The following STARD13 variants were observed in gnomAD, a reference collection of about 807,000 sequenced individuals.
The protein encoded by STARD13 is stAR-related lipid transfer protein 13.
Under a neutral mutation model 106.4 loss-of-function variants are expected in STARD13, and 62 were observed. The ratio of observed to expected loss-of-function variants is 0.58; its 90% CI spans 0.48 to 0.72. STARD13 has a LOEUF of 0.72. STARD13 is among the 30% of genes least tolerant of loss of function. The probability of loss-of-function intolerance (pLI) is 0.00; values close to 1 mark genes in which losing one functional copy is unlikely to be tolerated. For synonymous variants in STARD13, 565 were observed against 553.0 expected (o/e 1.02, Z -0.31); for missense variants, 1,387 against 1,424.0 (o/e 0.97, Z 0.42).
At chr13:33,383,331 G>A in the STARD13 span, among the ~76,000 whole-genome samples, 4 of 152,234 alleles carry the variant, frequency 2.6e-5, no homozygotes, top group East Asian at 5.8e-4. Context: ...CTAAAAGGTC[G>A]AGGCTGCAGT....
chr13:33,380,419 A>G, the STARD13 span, among the ~76,000 whole-genome samples: 1 of 151,180 alleles, frequency 6.6e-6, no homozygotes, highest in Non-Finnish European at 1.5e-5. Context: ...TGTCTCAAAA[A>G]AAAAAAAAAA....
chr13:33,166,508 G>T (rs1408477348), intron 2 of STARD13, among the ~76,000 whole-genome samples: 1 of 152,120 alleles, frequency 6.6e-6, no homozygotes. Context: ...GCCACCCCCT[G>T]TCCTGCCTGC....
chr13:33,647,159 G>T, the STARD13 span, among the ~76,000 whole-genome samples: 1 of 152,148 alleles, frequency 6.6e-6, no homozygotes, highest in Admixed American at 6.5e-5. Flanking sequence ...AAAGGGCCCT[G>T]CCTGTAGCTG....
chr13:33,426,964 T>TCATG, the STARD13 span, among the ~76,000 whole-genome samples: 9 of 152,236 alleles, frequency 5.9e-5, no homozygotes, highest in Non-Finnish European at 1.0e-4. Context: ...AAATGCTTTA[T>TCATG]CATGCATGAT....
the STARD13 span, among the ~76,000 whole-genome samples, chr13:33,521,012 T>C: frequency 6.6e-6 from 1 of 152,122 alleles, no homozygotes; most frequent in Non-Finnish European, 1.5e-5. Flanking sequence ...CTTGAAAGGA[T>C]AGATAAGCAT....
chr13:33,471,789 A>C, the STARD13 span, among the ~76,000 whole-genome samples: 2 of 152,176 alleles, frequency 1.3e-5, no homozygotes, highest in Non-Finnish European at 2.9e-5. Flanking sequence ...AATGGTCACA[A>C]ATATTTGCAG....
chr13:33,658,804 G>C, the STARD13 span, among the ~76,000 whole-genome samples: 1 of 152,188 alleles, frequency 6.6e-6, no homozygotes. Context: ...GGCATGATTA[G>C]AGAGAGAGTT....
chr13:33,435,781 T>G, the STARD13 span, among the ~76,000 whole-genome samples: 2 of 152,180 alleles, frequency 1.3e-5, no homozygotes, highest in African/African-American at 2.4e-5. Context: ...AGGGACATAA[T>G]AATGTTCAAC....
chr13:33,635,553 G>A, the STARD13 span, among the ~76,000 whole-genome samples: 20 of 152,034 alleles, frequency 1.3e-4, no homozygotes, highest in African/African-American at 3.4e-4. Context: ...CCAGCTACTC[G>A]GGAGGCTGAG....
the STARD13 span, among the ~76,000 whole-genome samples, chr13:33,569,089 A>T: frequency 6.8e-6 from 1 of 148,122 alleles, no homozygotes; most frequent in Non-Finnish European, 1.5e-5. Context: ...ACTTAAGCTT[A>T]TGTCTATAAA....
At chr13:33,662,376 T>C in the STARD13 span, among the ~76,000 whole-genome samples, 1 of 152,252 alleles carries the variant, frequency 6.6e-6, no homozygotes, top group Non-Finnish European at 1.5e-5. Flanking sequence ...ATAGACACTT[T>C]ACAGGTTGTA....
intron 1 of STARD13, among the ~76,000 whole-genome samples, chr13:33,313,605 G>A (rs79211861): frequency 0.03 from 4,585 of 152,060 alleles, 236 homozygotes; most frequent in African/African-American, 0.1. Context: ...CTAATTTGTT[G>A]GCTCCCACAG....
chr13:33,198,091 C>T (rs1370158287), intron 1 of STARD13, among the ~76,000 whole-genome samples: 3 of 152,134 alleles, frequency 2.0e-5, no homozygotes, highest in Non-Finnish European at 4.4e-5. Flanking sequence ...TTGCTTGAAC[C>T]CAGGAGGCGG....
At chr13:33,374,510 G>A in the STARD13 span, among the ~76,000 whole-genome samples, 2 of 152,198 alleles carry the variant, frequency 1.3e-5, no homozygotes, top group Admixed American at 6.5e-5. Flanking sequence ...AGATGAGTGT[G>A]TGTATAAAAT....
the STARD13 span, among the ~76,000 whole-genome samples, chr13:33,593,942 T>C: frequency 0.036 from 5,553 of 152,260 alleles, 260 homozygotes; most frequent in African/African-American, 0.1. Flanking sequence ...AGTCTTGCTC[T>C]GTCGCTCAGG....
chr13:33,311,438 A>G (rs1439754360), intron 1 of STARD13, among the ~76,000 whole-genome samples: 1 of 152,236 alleles, frequency 6.6e-6, no homozygotes, highest in African/African-American at 2.4e-5. Context: ...ATGGATTTTT[A>G]GGAAAGAACT....
intron 1 of STARD13, chr13:33,281,124 C>T (rs1891756965): frequency 6.6e-6 from 1 of 152,092 alleles, no homozygotes; most frequent in African/African-American, 2.4e-5. Context: ...ACCTGAGACA[C>T]AGAATAAACT....
chr13:33,652,070 C>G, the STARD13 span, among the ~76,000 whole-genome samples: 1 of 152,170 alleles, frequency 6.6e-6, no homozygotes, highest in Non-Finnish European at 1.5e-5. Context: ...GAATTCCTGA[C>G]CCACAAGATT....
the STARD13 span, chr13:33,439,802 A>G: frequency 1.4e-6 from 1 of 726,860 alleles, no homozygotes; most frequent in Non-Finnish European, 2.0e-6. Context: ...GAGACAAAAA[A>G]TAAGATTGTA....
Sources: gnomAD v4.1 joint callset for allele counts (sites outside exome capture counted in the v4.1 genomes callset) on GRCh38, gnomAD v4.1.1 for gene constraint, MANE v1.5 for transcripts, NCBI Gene and HGNC (gene_info 2026-07-23, HGNC 2026-07-21) for gene names.